Variants in KAT6A observed in about 807,000 individuals in gnomAD.
KAT6A encodes lysine acetyltransferase 6A.
KAT6A carries 9 observed loss-of-function variants against 198.4 expected under a neutral mutation model. That is an observed-to-expected ratio of 0.05 (90% confidence interval 0.03 to 0.08). The LOEUF (loss-of-function observed/expected upper bound fraction) is 0.08, where lower values mean the gene tolerates loss of function less well. Among genes scored for constraint, KAT6A ranks in the 10% least tolerant of loss-of-function variants. The probability of loss-of-function intolerance (pLI) is 1.00; values close to 1 mark genes in which losing one functional copy is unlikely to be tolerated. For missense variants in KAT6A, 2,077 were observed against 2,509.9 expected (o/e 0.83, Z 3.69); for synonymous variants, 890 against 883.0 (o/e 1.01, Z -0.14).
rs911504317 is a variant in KAT6A, at chr8:41,930,278, G to A, written c.*1927C>T. 1 of 115,272 alleles carries A rather than the reference G, an allele frequency of 8.7e-6. No individual in the cohort carries two copies. Among genetic ancestry groups the A allele is most frequent in the East Asian group, 2.5e-4 (1 of 3,962 alleles). The allele number at this position is 115,272 out of a possible 1,614,324, so 7.1% of individuals were successfully genotyped here. On this transcript the variant is annotated 3_prime_UTR_variant, in exon 17 of 17. Transcript: ENST00000265713. ...ACCCCGTCCCCACCCCAACCAGGAA[G>A]CAATGACACAGCTGAAGATGTAGGG...
Position 41,946,491 on chromosome 8 carries a change from TATACACACACACACACACACACACAC to T in KAT6A, c.1996+74_1996+99del, listed in dbSNP as rs1222420726. On this transcript the variant is annotated intron_variant, in intron 12 of 16. Transcript: ENST00000265713. ...ACCTACAAATCTTTAAATATATATA[TATACACACACACACACACACACACAC>T]ACACACACACACACACACACACACA... 1,461 of 464,202 alleles carry T rather than the reference TATACACACACACACACACACACACAC, an allele frequency of 3.1e-3. 22 individuals carry two copies. The highest frequency in any genetic ancestry group is 0.029 in the African/African-American group (1,086 of 37,918). The allele number at this position is 464,202 out of a possible 1,614,324, so 28.8% of individuals were successfully genotyped here. A position where few individuals can be genotyped will look rare whatever the true frequency, so the allele number is the denominator to read the frequency against.
Position 41,940,971 on chromosome 8 carries a change from G to C in KAT6A, c.2910C>G (p.Pro970=), listed in dbSNP as rs1050989. The C allele has an allele frequency of 3.1e-6, 5 of 1,614,012 alleles. No homozygotes were observed. The highest frequency in any genetic ancestry group is 4.2e-6 in the Non-Finnish European group (5 of 1,180,046). ...CCCTGTCACCCTCACTGTAGCGACGGGGCAGCCTCTCACTTCCTTCTGTTA... is the reference window on the plus strand; with the variant it reads ...CCCTGTCACCCTCACTGTAGCGACGCGGCAGCCTCTCACTTCCTTCTGTTA... ...CRLTEGSERL[P]RRYSEGDRAV... is the part of the protein sequence containing the mutation. The change falls in exon 15 of 17, where the codon CCC becomes CCG. Residue 970 remains proline (P), a synonymous_variant. Coordinates refer to ENST00000265713, the MANE Select transcript of KAT6A (RefSeq NM_006766.5).
At chr8:42,050,896 G>T (rs188158167) in intron 1 of KAT6A, among the ~76,000 whole-genome samples, 125 of 152,238 alleles carry the variant, frequency 8.2e-4, no homozygotes, top group African/African-American at 2.9e-3. Context: ...TTAACTCCCG[G>T]AAAGTACACG....
At chr8:41,938,873 A>C (rs1821969348) in intron 15 of KAT6A, among the ~76,000 whole-genome samples, 1 of 149,160 alleles carries the variant, frequency 6.7e-6, no homozygotes, top group African/African-American at 2.5e-5. Flanking sequence ...CTTGCATCCC[A>C]GGAGGTGGAG....
chr8:42,023,769 G>A (rs1826663626), intron 2 of KAT6A, among the ~76,000 whole-genome samples: 1 of 150,194 alleles, frequency 6.7e-6, no homozygotes, highest in African/African-American at 2.5e-5. Context: ...CTACAGGTGT[G>A]AGCCACCACG....
rs761902522 is a variant in KAT6A at position 41,934,274 on chromosome 8, C to T, written c.3946G>A (p.Ala1316Thr). 5.6e-6 allele frequency: 9 copies of T among 1,614,052 alleles called. No individual in the cohort carries two copies. Among genetic ancestry groups the T allele is most frequent in the East Asian group, 2.2e-5 (1 of 44,894 alleles). ...AETAQNDDHD[A>T]DDEDDGHLES... The stretch of plus-strand genomic sequence containing the variant: ...AGGTGGCCATCATCCTCATCATCAG[C>T]GTCGTGGTCGTCATTCTGGGCAGTC... The change falls in exon 17 of 17, where the codon GCT (alanine) becomes ACT (threonine). Residue 1316 changes from alanine (A) to threonine (T), a missense_variant. Physicochemically the swap from Ala to Thr is moderately conservative, Grantham distance 58. Transcript: ENST00000265713.
In KAT6A at chr8:42,017,303, T is replaced by C. The variant is rs552031742; in HGVS notation, c.601-29740A>G. 9.7e-4 allele frequency among the ~76,000 whole-genome samples: 147 copies of C among 152,278 alleles called. 1 individual carries two copies. The highest frequency in any genetic ancestry group is 8.7e-4 in the Non-Finnish European group (59 of 68,020). ...TCAAACCACTATGAGCCAGGCCCCTTGAGAGACACTGAAAAATAAACAAAA... is the reference window on the plus strand; with the variant it reads ...TCAAACCACTATGAGCCAGGCCCCTCGAGAGACACTGAAAAATAAACAAAA... On this transcript the variant is annotated intron_variant, in intron 2 of 16. Transcript: ENST00000265713.
chr8:41,969,418 T>G (rs991482352), intron 8 of KAT6A, among the ~76,000 whole-genome samples: 1 of 152,228 alleles, frequency 6.6e-6, no homozygotes, highest in African/African-American at 2.4e-5. Flanking sequence ...AAGTCATCTT[T>G]GATCATCTCT....
Position 41,932,360 on chromosome 8 carries a change from G to C in KAT6A, c.5860C>G (p.Gln1954Glu), listed in dbSNP as rs1442108797. Reference protein sequence around the residue: ...NQTAQYPMQMQMGMMGSQAYT... With the variant: ...NQTAQYPMQMEMGMMGSQAYT... Reference sequence around the variant, plus strand: ...GCCTGGCTCCCCATCATTCCCATCTGCATCTGCATAGGATACTGTGCTGTC... The same window carrying C: ...GCCTGGCTCCCCATCATTCCCATCTCCATCTGCATAGGATACTGTGCTGTC... The change falls in exon 17 of 17, where the codon CAG (glutamine) becomes GAG (glutamate). Residue 1954 changes from glutamine to glutamate, a missense_variant. Gln to Glu is a conservative substitution (Grantham distance 29). Coordinates refer to ENST00000265713, the MANE Select transcript of KAT6A (RefSeq NM_006766.5). 6.2e-7 allele frequency: 1 copy of C among 1,614,072 alleles called. No individual in the cohort carries two copies. The highest frequency in any genetic ancestry group is 8.5e-7 in the Non-Finnish European group (1 of 1,180,034).
chr8:42,032,867 T>C (rs11774557), intron 2 of KAT6A, among the ~76,000 whole-genome samples: 34,774 of 145,266 alleles, frequency 0.24, 4,830 homozygotes, highest in Middle Eastern at 0.42. Context: ...ATTTAAAACC[T>C]TGGCTTTTTT....
At chr8:41,992,171 A>G (rs1824980148) in intron 2 of KAT6A, among the ~76,000 whole-genome samples, 1 of 151,894 alleles carries the variant, frequency 6.6e-6, no homozygotes, top group African/African-American at 2.4e-5. Flanking sequence ...ACTGCACCCC[A>G]GCCTAGCAAC....
At chr8:41,975,984 A>G (rs1031734442) in intron 7 of KAT6A, among the ~76,000 whole-genome samples, 2 of 152,244 alleles carry the variant, frequency 1.3e-5, no homozygotes, top group Admixed American at 6.5e-5. Flanking sequence ...GAACTTATCT[A>G]CAGGTTGATA....
rs1490339701 is a variant in KAT6A at position 41,946,701 on chromosome 8, A to C, written c.1903-17T>G. 1 of 1,463,312 alleles carries C rather than the reference A, an allele frequency of 6.8e-7. No individual in the cohort carries two copies. The highest frequency in any genetic ancestry group is 2.3e-5 in the East Asian group (1 of 44,204). 90.6% of individuals were successfully genotyped at this position (1,463,312 alleles called of 1,614,324 possible). A position where few individuals can be genotyped will look rare whatever the true frequency, so the allele number is the denominator to read the frequency against. On this transcript the variant is annotated splice_polypyrimidine_tract_variant and intron_variant, in intron 11 of 16. Coordinates refer to ENST00000265713, the MANE Select transcript of KAT6A (RefSeq NM_006766.5). ...GTGCTTTTCCTGGTGGAGAAAACAC[A>C]AGTCAAGTTTGAAAACAGGCTGGTA...
intron 2 of KAT6A, among the ~76,000 whole-genome samples, chr8:42,016,469 C>T (rs183133561): frequency 4.8e-4 from 73 of 152,218 alleles, no homozygotes; most frequent in South Asian, 1.9e-3. Context: ...TTTGGTATAT[C>T]CAAGGATATT....
chr8:42,038,618 G>C (rs1256427903), intron 2 of KAT6A, among the ~76,000 whole-genome samples: 1 of 152,190 alleles, frequency 6.6e-6, no homozygotes, highest in African/African-American at 2.4e-5. Context: ...CACTGGACAA[G>C]ACACTTCAAC....
At chr8:42,008,252 C>T (rs1272344393) in intron 2 of KAT6A, among the ~76,000 whole-genome samples, 1 of 152,152 alleles carries the variant, frequency 6.6e-6, no homozygotes, top group Non-Finnish European at 1.5e-5. Flanking sequence ...CAGTAACTCA[C>T]AAAGCTCCCC....
intron 2 of KAT6A, among the ~76,000 whole-genome samples, chr8:42,046,319 C>T (rs943159857): frequency 5.3e-5 from 8 of 151,904 alleles, no homozygotes; most frequent in Admixed American, 4.6e-4. Context: ...GTGGATCACT[C>T]GAGGTCAGGA....
At chr8:42,032,329 C>A (rs938538747) in intron 2 of KAT6A, among the ~76,000 whole-genome samples, 1 of 151,916 alleles carries the variant, frequency 6.6e-6, no homozygotes, top group Non-Finnish European at 1.5e-5. Context: ...ATCTTTTGTA[C>A]CTATGTACAA....
At chr8:41,959,654 C>T (rs560431317) in intron 8 of KAT6A, among the ~76,000 whole-genome samples, 2 of 152,294 alleles carry the variant, frequency 1.3e-5, no homozygotes, top group East Asian at 3.9e-4. Context: ...GAATATTCTC[C>T]AGCCTTAAAA....
Sources: gnomAD v4.1 joint callset for allele counts (sites outside exome capture counted in the v4.1 genomes callset) on GRCh38, gnomAD v4.1.1 for gene constraint, MANE v1.5 for transcripts, NCBI Gene and HGNC (gene_info 2026-07-23, HGNC 2026-07-21) for gene names.